The following TRPM2 variants were observed in gnomAD, a reference collection of about 807,000 sequenced individuals.
The protein encoded by TRPM2 is transient receptor potential cation channel subfamily M member 2.
TRPM2 carries 161 observed loss-of-function variants against 174.0 expected under a neutral mutation model. The ratio of observed to expected loss-of-function variants is 0.93; its 90% CI spans 0.81 to 1.05. The LOEUF is 1.05. Ranked by LOEUF, TRPM2 falls within the 50% of genes least tolerant of loss-of-function variation. The pLI, the probability that TRPM2 is intolerant of heterozygous loss-of-function variation, is 0.00. For missense variants in TRPM2, 2,057 were observed against 2,038.0 expected (o/e 1.01, Z -0.18); for synonymous variants, 954 against 861.3 (o/e 1.11, Z -1.88).
At chr21:44,404,161 A>G (rs2049763199) in intron 16 of TRPM2, among the ~76,000 whole-genome samples, 1 of 149,158 alleles carries the variant, frequency 6.7e-6, no homozygotes, top group Non-Finnish European at 1.5e-5. Flanking sequence ...AGACACATAC[A>G]CATATATACA....
In TRPM2 at chr21:44,413,872, C is replaced by A; in HGVS notation, c.2963-19C>A. 6 of 1,602,446 alleles carry A rather than the reference C, an allele frequency of 3.7e-6. No homozygotes were observed. The highest frequency in any genetic ancestry group is 5.1e-6 in the Non-Finnish European group (6 of 1,171,008). On this transcript the variant is annotated intron_variant, in intron 19 of 31. Transcript: ENST00000397928. ...CTGTGTTGTTTTCTTGGCTCACCCA[C>A]CCCCATTCCCAACGCCAGGTGTGAA...
At position 44,430,587 on chromosome 21, in the gene TRPM2, G is replaced by A. The variant is rs1304941889; in HGVS notation, c.3974+3476G>A. Among the ~76,000 whole-genome samples, 22 of 49,774 alleles carry A rather than the reference G, an allele frequency of 4.4e-4. 8 individuals are homozygous for A. Among genetic ancestry groups the A allele is most frequent in the African/African-American group, 1.6e-3 (19 of 11,930 alleles). The allele number at this position is 49,774 out of a possible 152,430, so 32.7% of individuals were successfully genotyped here. ...TGGGACTACAGGCGCCCGCCACCGCGCCCGGCTAATTTTTTGTATTTTTAG... is the reference window on the plus strand; with the variant it reads ...TGGGACTACAGGCGCCCGCCACCGCACCCGGCTAATTTTTTGTATTTTTAG... On this transcript the variant is annotated intron_variant, in intron 27 of 31. Transcript: ENST00000397928.
chr21:44,404,634 G>A (rs1385088667), intron 16 of TRPM2, among the ~76,000 whole-genome samples: 5 of 152,210 alleles, frequency 3.3e-5, no homozygotes, highest in African/African-American at 1.2e-4. Flanking sequence ...TGATGATAGT[G>A]ACAGTGATGA....
chr21:44,420,902 G>A (rs2050525147), intron 22 of TRPM2, among the ~76,000 whole-genome samples: 1 of 152,242 alleles, frequency 6.6e-6, no homozygotes, highest in Non-Finnish European at 1.5e-5. Context: ...CCATGAGGAA[G>A]TGGAGGCCCA....
chr21:44,395,073 C>T (rs1390143862), intron 11 of TRPM2, among the ~76,000 whole-genome samples: 1 of 152,172 alleles, frequency 6.6e-6, no homozygotes, highest in African/African-American at 2.4e-5. Context: ...TAACATACTC[C>T]ACTGTGCTAG....
chr21:44,374,370 G>A (rs932819369), intron 5 of TRPM2, among the ~76,000 whole-genome samples: 15 of 152,178 alleles, frequency 9.9e-5, no homozygotes, highest in African/African-American at 2.4e-4. Flanking sequence ...AACTGGTTTC[G>A]TGGAAGAGAG....
At chr21:44,406,314 T>A (rs1488647107) in intron 18 of TRPM2, among the ~76,000 whole-genome samples, 1 of 149,182 alleles carries the variant, frequency 6.7e-6, no homozygotes, top group African/African-American at 2.6e-5. Context: ...CACGGTTATG[T>A]CTGACCGCAC....
chr21:44,379,397 T>C (rs4818917), intron 8 of TRPM2, among the ~76,000 whole-genome samples, 200 bp downstream of exon 8: 37,073 of 151,894 alleles, frequency 0.24, 4,865 homozygotes, highest in African/African-American at 0.35. Flanking sequence ...CAAGACAGCA[T>C]GTGAAAGGAG....
At chr21:44,401,623 G>A in intron 15 of TRPM2, 58 bp from the exon 16 acceptor site, 2 of 1,574,254 alleles carry the variant, frequency 1.3e-6, no homozygotes, top group Non-Finnish European at 1.7e-6. Context: ...CAAAGCCTGT[G>A]GAGGTCAGGA....
intron 19 of TRPM2, among the ~76,000 whole-genome samples, chr21:44,408,608 CGTCT>C (rs1422031178): frequency 6.6e-6 from 1 of 150,504 alleles, no homozygotes; most frequent in African/African-American, 2.4e-5. Flanking sequence ...CTAACCTCGT[CGTCT>C]GTAAGTCTTC....
At chr21:44,405,018 G>T (rs2049817219) in intron 16 of TRPM2, 124 bp from the exon 17 acceptor site, 1 of 1,135,438 alleles carries the variant, frequency 8.8e-7, no homozygotes, top group Non-Finnish European at 1.3e-6. Flanking sequence ...TGATGATAGT[G>T]ACAGTGATAG....
chr21:44,365,787 C>A (rs45455599), intron 3 of TRPM2, among the ~76,000 whole-genome samples: 16 of 152,196 alleles, frequency 1.1e-4, no homozygotes, highest in Non-Finnish European at 1.8e-4. Flanking sequence ...CCCTGTACTG[C>A]AGCAGGTCTG....
At chr21:44,355,361 T>C (rs2048029808) in intron 2 of TRPM2, among the ~76,000 whole-genome samples, 1 of 152,214 alleles carries the variant, frequency 6.6e-6, no homozygotes, top group African/African-American at 2.4e-5. Context: ...AGAGTGTTGA[T>C]TCATGTTTGT....
chr21:44,440,495 G>A (rs2146432896), intron 30 of TRPM2, among the ~76,000 whole-genome samples: 2 of 152,166 alleles, frequency 1.3e-5, no homozygotes, highest in Middle Eastern at 6.8e-3. Context: ...TGTTATGAGT[G>A]GACTCCTACA....
intron 23 of TRPM2, 146 bp downstream of exon 23, chr21:44,423,878 G>A (rs2050643013): frequency 1.4e-6 from 1 of 712,544 alleles, no homozygotes; most frequent in African/African-American, 1.8e-5. Context: ...TTCCCAGCTG[G>A]AAGAGGCACC....
intron 18 of TRPM2, among the ~76,000 whole-genome samples, 161 bp from the exon 19 acceptor site, chr21:44,406,433 G>C (rs192173043): frequency 6.6e-6 from 1 of 152,124 alleles, no homozygotes; most frequent in Non-Finnish European, 1.5e-5. Context: ...GGCAGTCCAC[G>C]AGGGTGTGGG....
At chr21:44,392,091 AG>A (rs1238054577) in intron 11 of TRPM2, among the ~76,000 whole-genome samples, 1 of 151,668 alleles carries the variant, frequency 6.6e-6, no homozygotes, top group East Asian at 1.9e-4. Context: ...CAGCCTCCCA[AG>A]TAGCTGGGAC....
At chr21:44,375,770 C>G (rs1337027737) in intron 5 of TRPM2, 63 bp from the exon 6 acceptor site, 1 of 1,534,130 alleles carries the variant, frequency 6.5e-7, no homozygotes, top group African/African-American at 1.4e-5. Flanking sequence ...GGTGTTCAGC[C>G]TGCTCGCGTT....
intron 31 of TRPM2, 100 bp downstream of exon 31, chr21:44,441,005 T>C: frequency 9.8e-7 from 1 of 1,018,942 alleles, no homozygotes; most frequent in Non-Finnish European, 1.5e-6. Flanking sequence ...GTCTGGATTC[T>C]GGCAGGCTGA....
Sources: allele counts gnomAD v4.1 joint callset (sites outside exome capture counted in the v4.1 genomes callset), GRCh38; gene constraint gnomAD v4.1.1; transcripts MANE v1.5; gene names NCBI Gene and HGNC (gene_info 2026-07-23, HGNC 2026-07-21).